Variants in AGBL1 observed in about 807,000 individuals in gnomAD.
AGBL1 encodes the protein AGBL carboxypeptidase 1.
AGBL1 carries 130 observed loss-of-function variants against 118.9 expected under a neutral mutation model. That is an observed-to-expected ratio of 1.09 (90% CI 0.95 to 1.26). AGBL1 has a LOEUF of 1.26. Among genes scored for constraint, AGBL1 ranks in the 50% most tolerant of loss-of-function variants. The pLI, the probability that AGBL1 is intolerant of heterozygous loss-of-function variation, is 0.00. For missense variants in AGBL1, 1,584 were observed against 1,298.1 expected, an observed-to-expected ratio of 1.22 and a Z score of -3.38; for synonymous variants, 555 against 478.9, an observed-to-expected ratio of 1.16 and a Z score of -2.08.
intron 22 of AGBL1, among the ~76,000 whole-genome samples, chr15:86,752,164 G>A (rs2077864264): frequency 6.6e-6 from 1 of 152,054 alleles, no homozygotes; most frequent in African/African-American, 2.4e-5. Context: ...CTGTTTGTGT[G>A]CCGTGATGCC....
At chr15:86,689,765 G>A (rs1472730193) in intron 22 of AGBL1, among the ~76,000 whole-genome samples, 1 of 152,036 alleles carries the variant, frequency 6.6e-6, no homozygotes, top group African/African-American at 2.4e-5. Context: ...AACACATTAG[G>A]ATAATATAAT....
intron 5 of AGBL1, among the ~76,000 whole-genome samples, chr15:86,191,348 C>CAAAAAAAAAAAAAAAAAAAAAA (rs869108108): frequency 1.5e-5 from 1 of 65,118 alleles, no homozygotes; most frequent in Non-Finnish European, 2.5e-5. Context: ...AACTTTGTCT[C>CAAAAAAAAAAAAAAAAAAAAAA]AAAAAAAAAA....
At chr15:86,751,590 A>G (rs186999546) in intron 22 of AGBL1, among the ~76,000 whole-genome samples, 3 of 152,240 alleles carry the variant, frequency 2.0e-5, no homozygotes, top group East Asian at 3.9e-4. Flanking sequence ...AGCATTTTAT[A>G]TATTGTTAGA....
chr15:86,468,286 T>C (rs925020697), intron 18 of AGBL1, among the ~76,000 whole-genome samples: 9 of 152,166 alleles, frequency 5.9e-5, no homozygotes, highest in African/African-American at 2.2e-4. Flanking sequence ...AGGCAAACTT[T>C]GCAAGGTCTG....
At chr15:87,029,209 A>G (rs2081763354), downstream of AGBL1, among the ~76,000 whole-genome samples, 1 of 151,940 alleles carries the variant, frequency 6.6e-6, no homozygotes. Flanking sequence ...GGCAGCTTCC[A>G]TATTTGAAAT....
rs140403535 is a variant in AGBL1 at position 86,726,468 on chromosome 15, T to C, written c.3158+52032T>C. On this transcript the variant is annotated intron_variant, in intron 22 of 22. Coordinates refer to ENST00000614907, the MANE Select transcript of AGBL1 (RefSeq NM_001386094.1). The stretch of plus-strand genomic sequence containing the variant: ...TCTCCATCTATATAAAGAAAGCAAT[T>C]GTAACCAATAGATGAAGGTTAACTT... Among the ~76,000 whole-genome samples, 110 of 152,314 alleles carry C rather than the reference T, an allele frequency of 7.2e-4. 2 individuals are homozygous for C. In the East Asian group the frequency reaches 0.02, roughly 27 times the overall value.
intron 3 of AGBL1, among the ~76,000 whole-genome samples, chr15:86,148,167 T>C (rs1018792856): frequency 6.6e-6 from 1 of 152,162 alleles, no homozygotes; most frequent in Non-Finnish European, 1.5e-5. Context: ...ATCAGAAAGA[T>C]GGGGAGAAAC....
intron 22 of AGBL1, among the ~76,000 whole-genome samples, chr15:86,817,495 GGAGA>G (rs772111583): frequency 0.017 from 1,600 of 96,724 alleles, 20 homozygotes; most frequent in Middle Eastern, 0.094. Flanking sequence ...CACACACAGA[GGAGA>G]GAGAGAGAGA....
In AGBL1 at chr15:86,428,453, T is replaced by C. The variant is rs140788756; in HGVS notation, c.2555+30907T>C. On this transcript the variant is annotated intron_variant, in intron 18 of 22. Transcript: ENST00000614907. ...ATTTTCCCCCGTCTTTTTTTCTAAATACACGGACTTCTTTAACTTCCATAA... is the reference window on the plus strand; with the variant it reads ...ATTTTCCCCCGTCTTTTTTTCTAAACACACGGACTTCTTTAACTTCCATAA... 7.8e-3 allele frequency among the ~76,000 whole-genome samples: 1,191 copies of C among 152,376 alleles called. 7 individuals carry two copies. The highest frequency in any genetic ancestry group is 0.014 in the Non-Finnish European group (930 of 68,024).
intron 7 of AGBL1, among the ~76,000 whole-genome samples, chr15:86,250,418 C>T (rs2078793252): frequency 6.6e-6 from 1 of 150,938 alleles, no homozygotes; most frequent in South Asian, 2.1e-4. Context: ...CCCAGCTACT[C>T]AGGAGGCTGA....
At chr15:86,130,491 G>C (rs539535203) in intron 1 of AGBL1, among the ~76,000 whole-genome samples, 1 of 152,120 alleles carries the variant, frequency 6.6e-6, no homozygotes, top group South Asian at 2.1e-4. Context: ...AAAGTAAATG[G>C]CTTCTCTAAA....
intron 1 of AGBL1, among the ~76,000 whole-genome samples, chr15:86,081,938 T>C (rs1302762724): frequency 6.6e-6 from 1 of 152,206 alleles, no homozygotes; most frequent in Admixed American, 6.5e-5. Flanking sequence ...CCCGGGGCAC[T>C]GCTAGATTCC....
At position 86,636,758 on chromosome 15, in the gene AGBL1, T is replaced by TATATACAC. The variant is rs780288036; in HGVS notation, c.2995-37514_2995-37513insTATACACA. On this transcript the variant is annotated intron_variant, in intron 21 of 22. Coordinates refer to ENST00000614907, the MANE Select transcript of AGBL1 (RefSeq NM_001386094.1). The stretch of plus-strand genomic sequence containing the variant: ...ATATATATATATATATATATATATA[T>TATATACAC]ACACATACATACAGAAAGGCAAGAG... Among the ~76,000 whole-genome samples, 20 of 29,984 alleles carry TATATACAC rather than the reference T, an allele frequency of 6.7e-4. 2 individuals carry two copies. Among genetic ancestry groups the TATATACAC allele is most frequent in the South Asian group, 6.0e-3 (3 of 496 alleles). 19.7% of individuals were successfully genotyped at this position (29,984 alleles called of 152,430 possible). A position where few individuals can be genotyped will look rare whatever the true frequency, so the allele number is the denominator to read the frequency against.
At chr15:86,087,416 C>A (rs1895734559) in intron 1 of AGBL1, among the ~76,000 whole-genome samples, 1 of 151,488 alleles carries the variant, frequency 6.6e-6, no homozygotes. Context: ...GCAATCTCTG[C>A]CTCCCACATT....
At chr15:86,706,564 G>A (rs1176579411) in intron 22 of AGBL1, among the ~76,000 whole-genome samples, 1 of 152,046 alleles carries the variant, frequency 6.6e-6, no homozygotes, top group African/African-American at 2.4e-5. Flanking sequence ...AAAACTTGCT[G>A]CAACATGCTA....
At chr15:86,952,016 A>G (rs2080885129) in intron 23 of AGBL1, among the ~76,000 whole-genome samples, 1 of 152,078 alleles carries the variant, frequency 6.6e-6, no homozygotes, top group Admixed American at 6.6e-5. Context: ...GTGGATCACA[A>G]GATCAGGAGT....
intron 23 of AGBL1, among the ~76,000 whole-genome samples, chr15:86,954,017 A>G (rs2080905725): frequency 6.6e-6 from 1 of 152,188 alleles, no homozygotes; most frequent in African/African-American, 2.4e-5. Context: ...GAAAATGCCA[A>G]TCAATCAAAA....
At chr15:86,477,149 C>A (rs934116263) in intron 18 of AGBL1, among the ~76,000 whole-genome samples, 2 of 151,988 alleles carry the variant, frequency 1.3e-5, no homozygotes, top group Non-Finnish European at 2.9e-5. Flanking sequence ...AAAACTGACA[C>A]CCTAACATCA....
intron 22 of AGBL1, among the ~76,000 whole-genome samples, chr15:86,792,599 C>G (rs1193153551): frequency 6.6e-6 from 1 of 151,990 alleles, no homozygotes; most frequent in Non-Finnish European, 1.5e-5. Context: ...ACCCATCCAC[C>G]CAGACCTAGT....
Sources: allele counts gnomAD v4.1 joint callset (sites outside exome capture counted in the v4.1 genomes callset), GRCh38; gene constraint gnomAD v4.1.1; transcripts MANE v1.5; gene names NCBI Gene and HGNC (gene_info 2026-07-23, HGNC 2026-07-21).